The following SORCS3 variants were observed in gnomAD, a reference collection of about 807,000 sequenced individuals.
The protein encoded by SORCS3 is VPS10 domain-containing receptor SorCS3.
A neutral mutation model predicts 146.3 loss-of-function variants in SORCS3; 57 were observed. The observed-to-expected ratio is 0.39, with a 90% CI of 0.31 to 0.49. The LOEUF (loss-of-function observed/expected upper bound fraction) is 0.49, where lower values mean the gene tolerates loss of function less well. Among genes scored for constraint, SORCS3 ranks in the 20% least tolerant of loss-of-function variants. The pLI, the probability that SORCS3 is intolerant of heterozygous loss-of-function variation, is 0.92. For synonymous variants in SORCS3, 653 were observed against 618.5 expected, an observed-to-expected ratio of 1.06 and a Z score of -0.83; for missense variants, 1,341 against 1,575.5, an observed-to-expected ratio of 0.85 and a Z score of 2.52.
chr10:105,227,037 TTA>T, intron 20 of SORCS3, among the ~76,000 whole-genome samples: 1 of 152,148 alleles, frequency 6.6e-6, no homozygotes, highest in Non-Finnish European at 1.5e-5. Flanking sequence ...TATTATTTTT[TTA>T]GTCTCTATTT....
chr10:104,977,078 C>T (rs1431402300), intron 3 of SORCS3, among the ~76,000 whole-genome samples: 3 of 151,700 alleles, frequency 2.0e-5, no homozygotes, highest in Non-Finnish European at 4.4e-5. Context: ...AAAAAAAGTT[C>T]CCGGTGCTTA....
intron 2 of SORCS3, among the ~76,000 whole-genome samples, chr10:104,858,317 A>C (rs970043116): frequency 6.6e-6 from 1 of 152,182 alleles, no homozygotes; most frequent in Non-Finnish European, 1.5e-5. Flanking sequence ...CTCTTGTATA[A>C]ACAGTTTTTT....
chr10:104,781,819 C>G (rs1031669985), intron 1 of SORCS3, among the ~76,000 whole-genome samples: 3 of 152,206 alleles, frequency 2.0e-5, no homozygotes, highest in East Asian at 1.9e-4. Context: ...TTGTCCTGGC[C>G]TTTTGGTATC....
intron 4 of SORCS3, among the ~76,000 whole-genome samples, chr10:104,995,293 G>C (rs1374586395): frequency 6.6e-6 from 1 of 151,606 alleles, no homozygotes; most frequent in East Asian, 1.9e-4. Context: ...CTGAGTAGCT[G>C]GGATCACAGG....
chr10:104,939,035 C>T (rs1458209905), intron 3 of SORCS3, among the ~76,000 whole-genome samples: 15 of 152,222 alleles, frequency 9.9e-5, no homozygotes, highest in Admixed American at 9.8e-4. Flanking sequence ...TCTGGACCCA[C>T]CTTCTGTGTT....
chr10:104,699,342 T>G (rs2016253682), intron 1 of SORCS3, among the ~76,000 whole-genome samples: 2 of 152,148 alleles, frequency 1.3e-5, no homozygotes, highest in Non-Finnish European at 2.9e-5. Context: ...CCCTGGAGTC[T>G]CCTTAAGAAT....
intron 3 of SORCS3, among the ~76,000 whole-genome samples, chr10:104,916,957 A>T (rs980494920): frequency 3.3e-5 from 5 of 152,200 alleles, no homozygotes; most frequent in African/African-American, 1.2e-4. Flanking sequence ...TGCTCAGAGC[A>T]GAGCAGCTTT....
In SORCS3 at chr10:104,883,877, C is replaced by T. The variant is rs141842770; in HGVS notation, c.696-31956C>T. Among the ~76,000 whole-genome samples the T allele has an allele frequency of 1.2e-3, 187 of 152,162 alleles. 1 individual carries two copies. Among genetic ancestry groups the T allele is most frequent in the African/African-American group, 4.3e-3 (177 of 41,504 alleles). ...TCCTGCCTTTGCTGTCAAATCTGCTCACTCCAATGTGGTGACTCCTGGGTT... is the reference window on the plus strand; with the variant it reads ...TCCTGCCTTTGCTGTCAAATCTGCTTACTCCAATGTGGTGACTCCTGGGTT... On this transcript the variant is annotated intron_variant, in intron 2 of 26. Coordinates refer to ENST00000369701, the MANE Select transcript of SORCS3 (RefSeq NM_014978.3).
chr10:104,888,467 A>C (rs1025352906), intron 2 of SORCS3, among the ~76,000 whole-genome samples: 6 of 152,324 alleles, frequency 3.9e-5, no homozygotes, highest in African/African-American at 1.4e-4. Flanking sequence ...TTCTAAAAAC[A>C]TGTGATCTAC....
At chr10:105,256,546 C>T (rs139026493) in intron 24 of SORCS3, among the ~76,000 whole-genome samples, 1 of 152,340 alleles carries the variant, frequency 6.6e-6, no homozygotes, top group Non-Finnish European at 1.5e-5. Context: ...ATTCCACTCC[C>T]CTGAGCTGGA....
rs762598961 is a variant in SORCS3 at position 105,211,264 on chromosome 10, C to T, written c.2375+14C>T. 1 of 1,563,782 alleles carries T rather than the reference C, an allele frequency of 6.4e-7. No individual in the cohort carries two copies. Among genetic ancestry groups the T allele is most frequent in the Non-Finnish European group, 8.8e-7 (1 of 1,134,428 alleles). On this transcript the variant is annotated intron_variant, in intron 17 of 26. Coordinates refer to ENST00000369701, the MANE Select transcript of SORCS3 (RefSeq NM_014978.3). Reference sequence around the variant, plus strand: ...TAACAGCACTGGGTAAGTAAAACACCTACAGGAACTCAGCTCCCTGTTTTC... The same window carrying T: ...TAACAGCACTGGGTAAGTAAAACACTTACAGGAACTCAGCTCCCTGTTTTC...
At chr10:104,884,063 GA>G (rs2133577768) in intron 2 of SORCS3, among the ~76,000 whole-genome samples, 1 of 152,172 alleles carries the variant, frequency 6.6e-6, no homozygotes, top group African/African-American at 2.4e-5. Context: ...GCAGGCAATA[GA>G]GAAGGGTTAT....
intron 2 of SORCS3, among the ~76,000 whole-genome samples, chr10:104,872,779 T>C (rs2018532294): frequency 6.6e-6 from 1 of 152,110 alleles, no homozygotes; most frequent in Admixed American, 6.6e-5. Flanking sequence ...CAAATGTGCA[T>C]GCTCATGTCC....
chr10:104,883,900 G>T (rs991103405), intron 2 of SORCS3, among the ~76,000 whole-genome samples: 1 of 151,076 alleles, frequency 6.6e-6, no homozygotes, highest in Non-Finnish European at 1.5e-5. Context: ...TGACTCCTGG[G>T]TTTTCTTTTT....
intron 9 of SORCS3, among the ~76,000 whole-genome samples, chr10:105,148,911 G>A (rs2056150310): frequency 1.3e-5 from 2 of 152,066 alleles, no homozygotes; most frequent in African/African-American, 2.4e-5. Context: ...GTTGAGGGAG[G>A]GACCTAGTGG....
intron 3 of SORCS3, among the ~76,000 whole-genome samples, chr10:104,939,375 T>C (rs372985391): frequency 6.6e-5 from 10 of 152,188 alleles, no homozygotes; most frequent in East Asian, 5.8e-4. Context: ...ACACAGTGCC[T>C]GGCACTGGGT....
rs372134420 is a variant in SORCS3, at chr10:105,153,645, ATGTGTG to A, written c.1483-3469_1483-3464del. Among the ~76,000 whole-genome samples the A allele has an allele frequency of 2.9e-3, 419 of 146,302 alleles. 1 individual carries two copies. The highest frequency in any genetic ancestry group is 6.3e-3 in the African/African-American group (252 of 39,814). On this transcript the variant is annotated intron_variant, in intron 9 of 26. Coordinates refer to ENST00000369701, the MANE Select transcript of SORCS3 (RefSeq NM_014978.3). Reference sequence around the variant, plus strand: ...GGAGAGAGAGAGAGAGTGTGTGTGTATGTGTGTGTGTGTGTGTGTGTGTGTGTGTTT... The same window carrying A: ...GGAGAGAGAGAGAGAGTGTGTGTGTATGTGTGTGTGTGTGTGTGTGTGTTT...
intron 2 of SORCS3, among the ~76,000 whole-genome samples, chr10:104,896,699 G>GA (rs529201809): frequency 2.0e-5 from 3 of 152,122 alleles, no homozygotes; most frequent in African/African-American, 7.2e-5. Flanking sequence ...TTAAATGGTT[G>GA]AAAAAAATCA....
At chr10:105,053,529 T>C (rs1733281971) in intron 5 of SORCS3, among the ~76,000 whole-genome samples, 1 of 152,104 alleles carries the variant, frequency 6.6e-6, no homozygotes. Flanking sequence ...ATAATTTTAC[T>C]GCCCAGAAAA....
Sources: allele counts gnomAD v4.1 joint callset (sites outside exome capture counted in the v4.1 genomes callset), GRCh38; gene constraint gnomAD v4.1.1; transcripts MANE v1.5; gene names NCBI Gene and HGNC (gene_info 2026-07-23, HGNC 2026-07-21).